NAV2: variants seen among roughly 807,000 people sequenced by gnomAD.
NAV2 encodes helicase, APC down-regulated 1.
Under a neutral mutation model 223.2 loss-of-function variants are expected in NAV2, and 54 were observed. The ratio of observed to expected loss-of-function variants is 0.24; its 90% CI spans 0.19 to 0.30. The LOEUF (loss-of-function observed/expected upper bound fraction) is 0.30. Ranked by LOEUF, NAV2 falls within the 10% of genes least tolerant of loss-of-function variation. The pLI is 1.00. For missense variants in NAV2, 2,806 were observed against 3,147.5 expected (o/e 0.89, Z 2.60); for synonymous variants, 1,279 against 1,239.3 (o/e 1.03, Z -0.67).
intron 1 of NAV2, among the ~76,000 whole-genome samples, chr11:19,531,430 GT>G (rs951966690): frequency 5.3e-5 from 8 of 152,178 alleles, no homozygotes; most frequent in Admixed American, 1.3e-4. Flanking sequence ...GATAATCTAG[GT>G]AAGAAACAAG....
chr11:19,444,636 CCACCAA>C (rs1292393185), intron 1 of NAV2, among the ~76,000 whole-genome samples: 1 of 152,110 alleles, frequency 6.6e-6, no homozygotes, highest in Non-Finnish European at 1.5e-5. Context: ...TTGTGTTGAA[CCACCAA>C]GAGTTTGGAT....
intron 1 of NAV2, among the ~76,000 whole-genome samples, chr11:19,597,012 A>G (rs1352726997): frequency 6.6e-6 from 1 of 152,140 alleles, no homozygotes; most frequent in African/African-American, 2.4e-5. Flanking sequence ...GACTCCACCA[A>G]CTGCCTCCCT....
chr11:19,577,742 G>A (rs1418319361), intron 1 of NAV2, among the ~76,000 whole-genome samples: 1 of 152,196 alleles, frequency 6.6e-6, no homozygotes, highest in African/African-American at 2.4e-5. Context: ...GGCATCTGGG[G>A]TGAGAGGGAA....
chr11:19,817,984 C>A (rs571742536), intron 1 of NAV2, among the ~76,000 whole-genome samples: 6 of 152,124 alleles, frequency 3.9e-5, no homozygotes, highest in Non-Finnish European at 8.8e-5. Flanking sequence ...CATCTCCAAG[C>A]CTTCTTGCCC....
intron 1 of NAV2, among the ~76,000 whole-genome samples, chr11:19,690,398 C>T (rs2049139406): frequency 6.6e-6 from 1 of 152,192 alleles, no homozygotes; most frequent in African/African-American, 2.4e-5. Context: ...CAATTGCCAA[C>T]TGTATGATCT....
chr11:19,389,882 C>T (rs1221938366), intron 1 of NAV2, among the ~76,000 whole-genome samples: 1 of 152,228 alleles, frequency 6.6e-6, no homozygotes, highest in African/African-American at 2.4e-5. Context: ...TACATTGCTT[C>T]TCAGCTGTCA....
intron 1 of NAV2, among the ~76,000 whole-genome samples, chr11:19,585,133 A>G (rs1451712447): frequency 6.6e-6 from 1 of 152,164 alleles, no homozygotes; most frequent in Non-Finnish European, 1.5e-5. Context: ...CCATTATGTA[A>G]TGGCCTTCTT....
intron 1 of NAV2, among the ~76,000 whole-genome samples, chr11:19,510,178 G>A (rs2043235447): frequency 1.3e-5 from 2 of 152,304 alleles, no homozygotes; most frequent in South Asian, 4.1e-4. Context: ...ATCTGTGAGG[G>A]GATGAGGGAA....
At chr11:19,559,025 A>G (rs1013042455) in intron 1 of NAV2, among the ~76,000 whole-genome samples, 5 of 152,232 alleles carry the variant, frequency 3.3e-5, no homozygotes, top group African/African-American at 1.2e-4. Context: ...CCATAAGTCA[A>G]AGCAAGTTAC....
intron 1 of NAV2, among the ~76,000 whole-genome samples, chr11:19,734,766 C>A (rs555951970): frequency 6.6e-6 from 1 of 152,302 alleles, no homozygotes; most frequent in African/African-American, 2.4e-5. Context: ...TTCACACCAG[C>A]AGTGCCTGGA....
chr11:19,361,228 A>G (rs200478827), intron 1 of NAV2, among the ~76,000 whole-genome samples: 3 of 107,624 alleles, frequency 2.8e-5, no homozygotes, highest in Non-Finnish European at 6.5e-5. Context: ...GCTCTTTTTT[A>G]TGTCTCTCAG....
intron 11 of NAV2, among the ~76,000 whole-genome samples, chr11:20,034,257 C>T (rs1396203911): frequency 7.1e-6 from 1 of 140,450 alleles, no homozygotes; most frequent in African/African-American, 2.6e-5. Flanking sequence ...ATACCCTTTT[C>T]CCCTATAGGT....
chr11:19,418,404 G>T (rs1850469009), intron 1 of NAV2, among the ~76,000 whole-genome samples: 1 of 152,210 alleles, frequency 6.6e-6, no homozygotes, highest in South Asian at 2.1e-4. Flanking sequence ...GGTGGTGTGA[G>T]GCTTACAGCC....
intron 2 of NAV2, among the ~76,000 whole-genome samples, chr11:19,833,834 C>A (rs189079308): frequency 2.6e-5 from 4 of 152,268 alleles, no homozygotes; most frequent in Admixed American, 6.5e-5. Flanking sequence ...AGACTGTGGG[C>A]CCTGGCTTCT....
At position 19,688,150 on chromosome 11, in the gene NAV2, T is replaced by A. The variant is rs1348908137; in HGVS notation, c.76-144334T>A. ...TTGGCTCATTATCAAGCTGAAGTATTCTTACATGAGAAGCAAAGAATCCCA... is the reference window on the plus strand; with the variant it reads ...TTGGCTCATTATCAAGCTGAAGTATACTTACATGAGAAGCAAAGAATCCCA... On this transcript the variant is annotated intron_variant, in intron 1 of 37. Coordinates refer to the NAV2 transcript ENST00000360655. Among the ~76,000 whole-genome samples, 2 of 152,214 alleles carry A rather than the reference T, an allele frequency of 1.3e-5. 1 individual carries two copies. Among genetic ancestry groups the A allele is most frequent in the South Asian group, 4.1e-4 (2 of 4,826 alleles).
At chr11:20,018,974 G>A (rs1230276860) in intron 11 of NAV2, among the ~76,000 whole-genome samples, 2 of 152,188 alleles carry the variant, frequency 1.3e-5, no homozygotes, top group Non-Finnish European at 2.9e-5. Flanking sequence ...TGTGGGTCCT[G>A]TCTTTGGACG....
At chr11:19,751,605 C>T (rs1421619411) in intron 1 of NAV2, among the ~76,000 whole-genome samples, 2 of 152,214 alleles carry the variant, frequency 1.3e-5, no homozygotes, top group African/African-American at 2.4e-5. Context: ...CACGAGCTTG[C>T]TCCTTTACTT....
At chr11:20,086,046 AAG>A (rs544293084) in intron 26 of NAV2, among the ~76,000 whole-genome samples, 13 of 152,348 alleles carry the variant, frequency 8.5e-5, no homozygotes, top group Admixed American at 4.6e-4. Context: ...ATATGTCTGA[AAG>A]AGAGAGGGAT....
At chr11:19,408,793 C>T (rs1850012454) in intron 1 of NAV2, among the ~76,000 whole-genome samples, 1 of 151,592 alleles carries the variant, frequency 6.6e-6, no homozygotes, top group Admixed American at 6.6e-5. Flanking sequence ...CTGGCTGATG[C>T]AAACTTTACA....
Sources: allele counts gnomAD v4.1 joint callset (sites outside exome capture counted in the v4.1 genomes callset), GRCh38; gene constraint gnomAD v4.1.1; transcripts MANE v1.5; gene names NCBI Gene and HGNC (gene_info 2026-07-23, HGNC 2026-07-21).